Variants in FHIT observed in about 807,000 individuals in gnomAD.
FHIT encodes bis(5'-adenosyl)-triphosphatase.
In FHIT, 19 loss-of-function variants were observed where a neutral mutation model predicts 17.9. That is an observed-to-expected ratio of 1.06 (90% CI 0.74 to 1.56). The LOEUF (loss-of-function observed/expected upper bound fraction) is 1.56, where lower values mean the gene tolerates loss of function less well. Among genes scored for constraint, FHIT ranks in the 40% most tolerant of loss-of-function variants. The pLI, the probability that FHIT is intolerant of heterozygous loss-of-function variation, is 0.00. For synonymous variants in FHIT, 81 were observed against 69.7 expected (o/e 1.16, Z -0.81); for missense variants, 248 against 189.2 (o/e 1.31, Z -1.82).
chr3:61,166,082 C>T (rs1178478366), intron 2 of FHIT, among the ~76,000 whole-genome samples: 1 of 152,116 alleles, frequency 6.6e-6, no homozygotes, highest in Non-Finnish European at 1.5e-5. Context: ...CAGGAGGAAT[C>T]CAAATTTGTG....
At chr3:60,639,964 G>C (rs2039685122) in intron 4 of FHIT, among the ~76,000 whole-genome samples, 1 of 152,088 alleles carries the variant, frequency 6.6e-6, no homozygotes. Context: ...GCAATAAAAA[G>C]GAACATTAAC....
intron 5 of FHIT, among the ~76,000 whole-genome samples, chr3:60,315,052 C>A (rs969495993): frequency 1.3e-5 from 2 of 152,098 alleles, no homozygotes; most frequent in African/African-American, 2.4e-5. Context: ...AGTCTGCCAC[C>A]CTGAGGCTAC....
At chr3:59,893,065 G>T (rs1335337212) in intron 8 of FHIT, among the ~76,000 whole-genome samples, 3 of 152,226 alleles carry the variant, frequency 2.0e-5, no homozygotes, top group African/African-American at 7.2e-5. Flanking sequence ...TATGTAGTCA[G>T]TTGTGTTGGT....
At chr3:60,707,223 A>T (rs1553703773) in intron 4 of FHIT, among the ~76,000 whole-genome samples, 1 of 152,220 alleles carries the variant, frequency 6.6e-6, no homozygotes, top group East Asian at 1.9e-4. Context: ...CATGCTGTTA[A>T]GTAAAGGATG....
At chr3:60,818,080 T>C (rs1268164426) in intron 4 of FHIT, among the ~76,000 whole-genome samples, 1 of 152,140 alleles carries the variant, frequency 6.6e-6, no homozygotes, top group Non-Finnish European at 1.5e-5. Context: ...TACTGTATTT[T>C]TCAGTTTCAG....
At chr3:60,244,017 C>G (rs1021907854) in intron 5 of FHIT, among the ~76,000 whole-genome samples, 1 of 152,040 alleles carries the variant, frequency 6.6e-6, no homozygotes, top group Non-Finnish European at 1.5e-5. Flanking sequence ...TTACACCATT[C>G]TCCTTTACTT....
chr3:60,358,578 G>C (rs1041082759), intron 5 of FHIT, among the ~76,000 whole-genome samples: 1 of 152,154 alleles, frequency 6.6e-6, no homozygotes, highest in Non-Finnish European at 1.5e-5. Flanking sequence ...ATAGTGTTCT[G>C]ACATAAACAA....
At chr3:60,775,340 C>A (rs2108083121) in intron 4 of FHIT, among the ~76,000 whole-genome samples, 1 of 152,282 alleles carries the variant, frequency 6.6e-6, no homozygotes, top group East Asian at 1.9e-4. Context: ...AGACCTCCAA[C>A]TGGCCTGTGC....
intron 5 of FHIT, among the ~76,000 whole-genome samples, chr3:60,201,314 G>A (rs986591161): frequency 5.9e-5 from 9 of 151,668 alleles, no homozygotes; most frequent in African/African-American, 2.2e-4. Flanking sequence ...CTACATTGTG[G>A]GTTTGTATTT....
chr3:60,243,607 C>A (rs577482565), intron 5 of FHIT, among the ~76,000 whole-genome samples: 1 of 152,184 alleles, frequency 6.6e-6, no homozygotes, highest in South Asian at 2.1e-4. Context: ...ATAGAGGCAA[C>A]GGCTCTTATT....
intron 3 of FHIT, among the ~76,000 whole-genome samples, chr3:60,989,236 G>A (rs1036649375): frequency 2.6e-5 from 4 of 152,074 alleles, no homozygotes; most frequent in Admixed American, 2.6e-4. Context: ...TGCAGCCTCA[G>A]CCTCCTTGGA....
At chr3:60,589,114 C>T (rs570700956) in intron 4 of FHIT, among the ~76,000 whole-genome samples, 2 of 152,024 alleles carry the variant, frequency 1.3e-5, no homozygotes, top group East Asian at 1.9e-4. Flanking sequence ...GACCACCTTC[C>T]TTGGTGCTAA....
intron 7 of FHIT, among the ~76,000 whole-genome samples, chr3:59,992,215 T>G (rs1205592267): frequency 1.3e-5 from 2 of 152,056 alleles, no homozygotes; most frequent in African/African-American, 4.8e-5. Context: ...CACACATTGT[T>G]ACTTTAAACC....
In FHIT at chr3:60,892,489, A is replaced by G. The variant is rs539923455; in HGVS notation, c.-110-70478T>C. ...TCCCTTGTCTTTTGTAATGTATATTAGAGTGTATATTAGAGTGTAATGTAT... is the reference window on the plus strand; with the variant it reads ...TCCCTTGTCTTTTGTAATGTATATTGGAGTGTATATTAGAGTGTAATGTAT... On this transcript the variant is annotated intron_variant, in intron 3 of 9. Coordinates refer to ENST00000492590, the MANE Select transcript of FHIT (RefSeq NM_002012.4). 5.9e-5 allele frequency among the ~76,000 whole-genome samples: 9 copies of G among 152,268 alleles called. No individual in the cohort carries two copies. The East Asian group carries it at 1.7e-3, about 29-fold the overall frequency.
At chr3:60,493,087 T>A (rs2034136018) in intron 5 of FHIT, among the ~76,000 whole-genome samples, 1 of 152,134 alleles carries the variant, frequency 6.6e-6, no homozygotes, top group African/African-American at 2.4e-5. Flanking sequence ...AGAAAATGGT[T>A]CTTACTTGTC....
At chr3:60,898,547 A>T (rs1163757818) in intron 3 of FHIT, among the ~76,000 whole-genome samples, 1 of 152,338 alleles carries the variant, frequency 6.6e-6, no homozygotes, top group Non-Finnish European at 1.5e-5. Flanking sequence ...ACTAAACAAC[A>T]GTGTAAAGTT....
intron 8 of FHIT, among the ~76,000 whole-genome samples, chr3:59,753,331 G>C (rs1286014458): frequency 6.6e-6 from 1 of 152,134 alleles, no homozygotes; most frequent in Non-Finnish European, 1.5e-5. Flanking sequence ...ATTAACACTT[G>C]AATCATTTAA....
intron 5 of FHIT, among the ~76,000 whole-genome samples, chr3:60,036,769 G>A (rs895209634): frequency 6.8e-6 from 1 of 146,928 alleles, no homozygotes; most frequent in African/African-American, 2.7e-5. Flanking sequence ...AACAGGTTTT[G>A]TTTGTTTGTT....
chr3:60,568,453 G>T (rs2037221340), intron 4 of FHIT, among the ~76,000 whole-genome samples: 1 of 151,778 alleles, frequency 6.6e-6, no homozygotes, highest in African/African-American at 2.4e-5. Flanking sequence ...ACCAGGGCCT[G>T]TTGTGGGGTG....
Sources: gnomAD v4.1 joint callset for allele counts (sites outside exome capture counted in the v4.1 genomes callset) on GRCh38, gnomAD v4.1.1 for gene constraint, MANE v1.5 for transcripts, NCBI Gene and HGNC (gene_info 2026-07-23, HGNC 2026-07-21) for gene names.